Variants in RELCH observed in about 807,000 individuals in gnomAD.
RELCH encodes RAB11 binding and LisH domain, coiled-coil and HEAT repeat containing, also known as RAB11-binding protein RELCH.
In RELCH, 41 loss-of-function variants were observed where a neutral mutation model predicts 150.3. That is an observed-to-expected ratio of 0.27 (90% CI 0.21 to 0.35). RELCH has a LOEUF of 0.35. RELCH is among the 10% of genes least tolerant of loss of function. The pLI, the probability that RELCH is intolerant of heterozygous loss-of-function variation, is 1.00. For synonymous variants in RELCH, 478 were observed against 531.8 expected (o/e 0.90, Z 1.39); for missense variants, 1,092 against 1,467.8 (o/e 0.74, Z 4.18).
At chr18:62,217,165 G>A (rs1318472825) in intron 2 of RELCH, among the ~76,000 whole-genome samples, 2 of 151,892 alleles carry the variant, frequency 1.3e-5, no homozygotes, top group Non-Finnish European at 2.9e-5. Context: ...TGGAGAAGGA[G>A]GGTTTTATCT....
chr18:62,197,998 C>T (rs2039163416), intron 1 of RELCH, among the ~76,000 whole-genome samples: 1 of 152,184 alleles, frequency 6.6e-6, no homozygotes, highest in African/African-American at 2.4e-5. Flanking sequence ...GGGTAAATCA[C>T]TTCTTAATGC....
intron 11 of RELCH, among the ~76,000 whole-genome samples, chr18:62,248,830 C>T (rs2042554450): frequency 6.6e-6 from 1 of 152,120 alleles, no homozygotes; most frequent in Non-Finnish European, 1.5e-5. Flanking sequence ...TGAGCATCTA[C>T]TCAGAGTGAT....
At chr18:62,284,126 G>T (rs574565474) in intron 25 of RELCH, 3 of 152,078 alleles carry the variant, frequency 2.0e-5, no homozygotes, top group Non-Finnish European at 1.5e-5. Flanking sequence ...TCTTTTTTCA[G>T]TAATTCTGGG....
chr18:62,256,036 T>A (rs1034540594), intron 13 of RELCH, among the ~76,000 whole-genome samples: 1 of 152,124 alleles, frequency 6.6e-6, no homozygotes, highest in Admixed American at 6.6e-5. Flanking sequence ...GAAGCATGCA[T>A]CTTTTTAATA....
At chr18:62,197,763 T>C (rs1206479738) in intron 1 of RELCH, among the ~76,000 whole-genome samples, 2 of 152,238 alleles carry the variant, frequency 1.3e-5, no homozygotes, top group African/African-American at 2.4e-5. Context: ...GATTGGATTA[T>C]ACTAAGATAC....
intron 11 of RELCH, chr18:62,247,547 T>A (rs2042481014): frequency 1.3e-5 from 2 of 151,952 alleles, no homozygotes; most frequent in Non-Finnish European, 2.9e-5. Context: ...TAAGCGATTT[T>A]TTTTTTTTTT....
At chr18:62,288,156 C>T (rs1472800937) in intron 26 of RELCH, among the ~76,000 whole-genome samples, 1 of 152,008 alleles carries the variant, frequency 6.6e-6, no homozygotes, top group Non-Finnish European at 1.5e-5. Context: ...GTAAAGATAA[C>T]GATGGGCAAA....
At chr18:62,208,702 CTTT>C (rs1855135222) in intron 1 of RELCH, among the ~76,000 whole-genome samples, 1 of 152,182 alleles carries the variant, frequency 6.6e-6, no homozygotes, top group African/African-American at 2.4e-5. Context: ...TCGTTCCCTT[CTTT>C]GTGTCCATGT....
chr18:62,291,602 G>A lies in RELCH; in HGVS notation c.3430G>A (p.Asp1144Asn), dbSNP rs1568442696. The change falls in exon 27 of 29, where the codon GAC becomes AAC. Residue 1144 changes from aspartate to asparagine, a missense_variant. Coordinates refer to ENST00000644646, the MANE Select transcript of RELCH (RefSeq NM_001346231.2). ...ACCTGGTCTCAGATGTTTACGGACT[G>A]ACATGGAACATCTCTCTCCAGAGCA... is the stretch of plus-strand genomic sequence containing the variant. ...FLPGLRCLRT[D>N]MEHLSPEHEV... is the part of the protein sequence containing the mutation. 1 of 1,609,646 alleles carries A rather than the reference G, an allele frequency of 6.2e-7. No individual in the cohort carries two copies. Among genetic ancestry groups the A allele is most frequent in the East Asian group, 2.2e-5 (1 of 44,598 alleles).
rs1030526176 is a variant in RELCH at position 62,282,501 on chromosome 18, A to G, written c.3253+57A>G. On this transcript the variant is annotated intron_variant, in intron 25 of 28. Coordinates refer to ENST00000644646, the MANE Select transcript of RELCH (RefSeq NM_001346231.2). ...TTGTAATGTAAGATCAAAGCTAGACACTCCTCTGAGGCCTTGTCATGTATT... is the reference window on the plus strand; with the variant it reads ...TTGTAATGTAAGATCAAAGCTAGACGCTCCTCTGAGGCCTTGTCATGTATT... The G allele has an allele frequency of 2.6e-6, 4 of 1,555,332 alleles. No homozygotes were observed. The African/African-American group carries it at 5.5e-5, about 21-fold the overall frequency.
At chr18:62,192,448 A>G (rs1339490163) in intron 1 of RELCH, among the ~76,000 whole-genome samples, 1 of 152,224 alleles carries the variant, frequency 6.6e-6, no homozygotes, top group Non-Finnish European at 1.5e-5. Flanking sequence ...CATTTTTGGC[A>G]TGAAATATTT....
At chr18:62,283,095 A>C (rs1393676669) in intron 25 of RELCH, among the ~76,000 whole-genome samples, 3 of 152,214 alleles carry the variant, frequency 2.0e-5, no homozygotes, top group Non-Finnish European at 2.9e-5. Flanking sequence ...TAATTGCTAA[A>C]TACTGTGCTG....
intron 28 of RELCH, among the ~76,000 whole-genome samples, chr18:62,302,364 T>C (rs1423540008): frequency 1.3e-5 from 2 of 152,146 alleles, no homozygotes. Context: ...CAGTGGTAGA[T>C]AAATGATATC....
At chr18:62,270,572 C>G (rs924890271) in intron 20 of RELCH, among the ~76,000 whole-genome samples, 1 of 152,098 alleles carries the variant, frequency 6.6e-6, no homozygotes, top group African/African-American at 2.4e-5. Context: ...TTTTTACCCA[C>G]TACTAACTTA....
At chr18:62,233,272 A>G (rs2041692338) in intron 10 of RELCH, among the ~76,000 whole-genome samples, 1 of 151,864 alleles carries the variant, frequency 6.6e-6, no homozygotes, top group Non-Finnish European at 1.5e-5. Flanking sequence ...AAATTTTATA[A>G]AGAATAAATG....
intron 22 of RELCH, chr18:62,277,911 C>G (rs1297884176): frequency 2.2e-6 from 2 of 900,180 alleles, no homozygotes; most frequent in Admixed American, 1.2e-4. Context: ...GAGCACAACT[C>G]AAAGAGGTCA....
At chr18:62,211,937 G>T (rs1341722623) in intron 2 of RELCH, among the ~76,000 whole-genome samples, 1 of 152,164 alleles carries the variant, frequency 6.6e-6, no homozygotes, top group East Asian at 1.9e-4. Context: ...GTTAAAGAGG[G>T]TTAATGATTG....
chr18:62,300,763 A>T (rs149273145), intron 28 of RELCH, among the ~76,000 whole-genome samples: 1 of 152,356 alleles, frequency 6.6e-6, no homozygotes, highest in East Asian at 1.9e-4. Flanking sequence ...CTTATGAAAC[A>T]TCAGTTACCT....
At chr18:62,260,909 G>A (rs1485603913) in intron 15 of RELCH, among the ~76,000 whole-genome samples, 2 of 151,834 alleles carry the variant, frequency 1.3e-5, no homozygotes, top group Non-Finnish European at 2.9e-5. Flanking sequence ...CAGAAGCTGG[G>A]GTCTGGGGGA....
Sources: allele counts gnomAD v4.1 joint callset (sites outside exome capture counted in the v4.1 genomes callset), GRCh38; gene constraint gnomAD v4.1.1; transcripts MANE v1.5; gene names NCBI Gene and HGNC (gene_info 2026-07-23, HGNC 2026-07-21).